Variants in CEP104 observed in about 807,000 individuals in gnomAD.
CEP104 encodes the protein centrosomal protein of 104 kDa.
CEP104 carries 84 observed loss-of-function variants against 113.3 expected under a neutral mutation model. That is an observed-to-expected ratio of 0.74 (90% CI 0.62 to 0.89). The LOEUF (loss-of-function observed/expected upper bound fraction) is 0.89, where lower values mean the gene tolerates loss of function less well. Among genes scored for constraint, CEP104 ranks in the 40% least tolerant of loss-of-function variants. The probability of loss-of-function intolerance (pLI) is 0.00; values close to 1 mark genes in which losing one functional copy is unlikely to be tolerated. For missense variants in CEP104, 1,053 were observed against 1,156.6 expected (o/e 0.91, Z 1.30); for synonymous variants, 378 against 421.7 (o/e 0.90, Z 1.27).
chr1:3,842,604 A>G (rs1030836773), intron 6 of CEP104, among the ~76,000 whole-genome samples: 1 of 152,234 alleles, frequency 6.6e-6, no homozygotes, highest in Non-Finnish European at 1.5e-5. Context: ...GTGCAAATAG[A>G]AGAGCCTGGA....
chr1:3,834,251 C>T (rs1183630976), intron 11 of CEP104, among the ~76,000 whole-genome samples: 2 of 152,004 alleles, frequency 1.3e-5, no homozygotes, highest in East Asian at 3.9e-4. Context: ...AAATCACTCC[C>T]CATCTTCCCT....
chr1:3,812,824 A>G lies in CEP104; in HGVS notation c.*2578T>C, dbSNP rs1643817341. ...CACTGCACTCCAGCCTAGGCAACAG[A>G]GCAAGACTCCGTCTCAAACCCCACC... On this transcript the variant is annotated 3_prime_UTR_variant, in exon 22 of 22. Transcript: ENST00000378230. 1 of 152,174 alleles carries G rather than the reference A, an allele frequency of 6.6e-6. No individual in the cohort carries two copies. The highest frequency in any genetic ancestry group is 2.4e-5 in the African/African-American group (1 of 41,420). The allele number at this position is 152,174 out of a possible 1,614,324, so 9.4% of individuals were successfully genotyped here.
intron 1 of CEP104, among the ~76,000 whole-genome samples, chr1:3,853,997 C>A (rs907847899): frequency 1.2e-4 from 19 of 152,154 alleles, no homozygotes; most frequent in African/African-American, 4.6e-4. Context: ...GCTGCACGGC[C>A]CCACCTGCAC....
rs1489811135 is a variant in CEP104 at position 3,829,803 on chromosome 1, A to C, written c.2031T>G (p.Asp677Glu). 6.2e-7 allele frequency: 1 copy of C among 1,614,024 alleles called. No individual in the cohort carries two copies. The highest frequency in any genetic ancestry group is 8.5e-7 in the Non-Finnish European group (1 of 1,180,000). Residue 677 changes from aspartate to glutamate, a missense_variant, in exon 14 of 22, where the codon GAT becomes GAG. Physicochemically the swap from Asp to Glu is conservative, Grantham distance 45. Coordinates refer to ENST00000378230, the MANE Select transcript of CEP104 (RefSeq NM_014704.4). ...GFAKIDGRAT[D>E]AEMRARRKAA... ...AAAGTTAACTCACCCTCATCTCAGC[A>C]TCTGTAGCTCTGCCATCTATTTTAG...
chr1:3,819,166 G>A lies in CEP104; in HGVS notation c.2572-2796C>T, dbSNP rs1643924385. Among the ~76,000 whole-genome samples, 1 of 152,196 alleles carries A rather than the reference G, an allele frequency of 6.6e-6. No homozygotes were observed. Among genetic ancestry groups the A allele is most frequent in the South Asian group, 2.1e-4 (1 of 4,832 alleles). On this transcript the variant is annotated intron_variant, in intron 20 of 21. Transcript: ENST00000378230. This position sits in a 1 kb window ranked among gnomAD's most constrained non-coding sequence, Gnocchi z 4.6. Reference sequence around the variant, plus strand: ...CTTGAACGTGCAATGAAGTGCTACTGATCTATTAGAACCCGGGCGAACCTT... The same window carrying A: ...CTTGAACGTGCAATGAAGTGCTACTAATCTATTAGAACCCGGGCGAACCTT...
rs1553162953 is a variant in CEP104, at chr1:3,836,478, T to TTTG, written c.1317+16_1317+17insCAA. 6.9e-7 allele frequency: 1 copy of TTTG among 1,457,270 alleles called. No homozygotes were observed. Among genetic ancestry groups the TTTG allele is most frequent in the Non-Finnish European group, 9.0e-7 (1 of 1,108,572 alleles). The allele number at this position is 1,457,270 out of a possible 1,614,324, so 90.3% of individuals were successfully genotyped here. A position where few individuals can be genotyped will look rare whatever the true frequency, so the allele number is the denominator to read the frequency against. On this transcript the variant is annotated intron_variant, in intron 10 of 21. Coordinates refer to ENST00000378230, the MANE Select transcript of CEP104 (RefSeq NM_014704.4). Reference sequence around the variant, plus strand: ...CCCCTCTGCCACCCCGTTTTTTTTTTTTTTTTTTTTTTTTACCAAGGTTTC... The same window carrying TTTG: ...CCCCTCTGCCACCCCGTTTTTTTTTTTTGTTTTTTTTTTTTTTACCAAGGTTTC...
chr1:3,849,172 T>C (rs1322727166), intron 2 of CEP104, among the ~76,000 whole-genome samples: 1 of 152,066 alleles, frequency 6.6e-6, no homozygotes, highest in African/African-American at 2.4e-5. Flanking sequence ...GGTATCAATA[T>C]TTAAGGAGTG....
chr1:3,841,646 C>T lies in CEP104; in HGVS notation c.567-1870G>A, dbSNP rs900221874. Among the ~76,000 whole-genome samples the T allele has an allele frequency of 5.9e-5, 9 of 152,182 alleles. No individual in the cohort carries two copies. In the South Asian group the frequency reaches 8.3e-4, roughly 14 times the overall value. On this transcript the variant is annotated intron_variant, in intron 6 of 21. Coordinates refer to ENST00000378230, the MANE Select transcript of CEP104 (RefSeq NM_014704.4). ...GTACAGAACCCCCAGCGGCAATGAC[C>T]GGATTCCATGTCCAGCACAGGCCCG...
chr1:3,836,916 T>C, intron 9 of CEP104: 1 of 539,052 alleles, frequency 1.9e-6, no homozygotes, highest in South Asian at 2.7e-5. Context: ...ATTACAGACC[T>C]AATAAAAAAA....
chr1:3,825,815 C>T lies in CEP104; in HGVS notation c.2307G>A (p.Leu769=). 6.2e-7 allele frequency: 1 copy of T among 1,614,056 alleles called. No individual in the cohort carries two copies. The highest frequency in any genetic ancestry group is 8.5e-7 in the Non-Finnish European group (1 of 1,179,926). Reference sequence around the variant, plus strand: ...GACAGTGCTTCCAGTAGTGGAGATCCAGACCTTCCTCTGTGAAGGATTCAC... The same window carrying T: ...GACAGTGCTTCCAGTAGTGGAGATCTAGACCTTCCTCTGTGAAGGATTCAC... ...ERSESFTEEG[L]DLHYWKHCLM... The change falls in exon 18 of 22, where the codon CTG becomes CTA. Residue 769 remains leucine (L), a synonymous_variant. Transcript: ENST00000378230.
At chr1:3,853,982 T>A (rs960064903) in intron 1 of CEP104, among the ~76,000 whole-genome samples, 1 of 152,142 alleles carries the variant, frequency 6.6e-6, no homozygotes, top group East Asian at 1.9e-4. Flanking sequence ...TTTAACCCAC[T>A]GTTAGCTGCA....
chr1:3,840,942 G>A (rs74508667), intron 6 of CEP104, among the ~76,000 whole-genome samples: 8 of 152,242 alleles, frequency 5.3e-5, no homozygotes, highest in African/African-American at 1.9e-4. Flanking sequence ...ATATCCTAGA[G>A]GAGATCAAAA....
chr1:3,816,846 C>A (rs1385055128), intron 20 of CEP104, among the ~76,000 whole-genome samples: 1 of 152,276 alleles, frequency 6.6e-6, no homozygotes, highest in Non-Finnish European at 1.5e-5. Flanking sequence ...ACTTGCCCTG[C>A]AGAATGTGGG....
At position 3,847,485 on chromosome 1, in the gene CEP104, A is replaced by G. The variant is rs76925798; in HGVS notation, c.416T>C (p.Ile139Thr). 1,189 of 1,604,336 alleles carry G rather than the reference A, an allele frequency of 7.4e-4. 7 individuals are homozygous for G. In the African/African-American group the frequency reaches 0.014, roughly 19 times the overall value. Residue 139 changes from isoleucine (I) to threonine (T), a missense_variant, in exon 4 of 22, where the codon ATA becomes ACA. Ile to Thr is a moderately conservative substitution (Grantham distance 89). Coordinates refer to ENST00000378230, the MANE Select transcript of CEP104 (RefSeq NM_014704.4). ...FHQNHVNKYN[I>T]YNQVALVAIN... Reference sequence around the variant, plus strand: ...CTGCATGCATCTTACCTGATTATATATGTTGTATTTGTTGACATGGTTTTG... The same window carrying G: ...CTGCATGCATCTTACCTGATTATATGTGTTGTATTTGTTGACATGGTTTTG...
At chr1:3,852,901 C>CGGCCAAGGA (rs138280171) in intron 1 of CEP104, among the ~76,000 whole-genome samples, 49,719 of 151,998 alleles carry the variant, frequency 0.33, 9,660 homozygotes, top group Admixed American at 0.45. Flanking sequence ...CTAAGCGGGC[C>CGGCCAAGGA]GGCCAAGGAC....
chr1:3,813,050 GTTGA>G lies in CEP104; in HGVS notation c.*2348_*2351del, dbSNP rs1416093808. The G allele has an allele frequency of 6.6e-6, 1 of 151,998 alleles. No individual in the cohort carries two copies. Among genetic ancestry groups the G allele is most frequent in the Non-Finnish European group, 1.5e-5 (1 of 68,012 alleles). The allele number at this position is 151,998 out of a possible 1,614,324, so 9.4% of individuals were successfully genotyped here. ...ATATATATATATATTTCTTAAAAGT[GTTGA>G]TTGGTGAGAAAAGAATAATTCCTTG... is the stretch of plus-strand genomic sequence containing the variant. On this transcript the variant is annotated 3_prime_UTR_variant, in exon 22 of 22. Transcript: ENST00000378230.
In CEP104 at chr1:3,836,493, A is replaced by G; in HGVS notation, c.1317+2T>C. 2.2e-6 allele frequency: 2 copies of G among 928,422 alleles called. No individual in the cohort carries two copies. Among genetic ancestry groups the G allele is most frequent in the Non-Finnish European group, 2.6e-6 (2 of 770,452 alleles). The allele number at this position is 928,422 out of a possible 1,614,324, so 57.5% of individuals were successfully genotyped here. A position where few individuals can be genotyped will look rare whatever the true frequency, so the allele number is the denominator to read the frequency against. On this transcript the variant is annotated splice_donor_variant, in intron 10 of 21. Transcript: ENST00000378230. LOFTEE classifies it high-confidence loss of function. The stretch of plus-strand genomic sequence containing the variant: ...GTTTTTTTTTTTTTTTTTTTTTTTT[A>G]CCAAGGTTTCTCCCAACACATCGAT...
At chr1:3,849,740 C>A (rs1644576306) in intron 2 of CEP104, among the ~76,000 whole-genome samples, 1 of 152,052 alleles carries the variant, frequency 6.6e-6, no homozygotes, top group Non-Finnish European at 1.5e-5. Flanking sequence ...TAGATAGTTA[C>A]TGCTTTTAAA....
At chr1:3,841,410 G>A (rs887566543) in intron 6 of CEP104, among the ~76,000 whole-genome samples, 3 of 152,166 alleles carry the variant, frequency 2.0e-5, no homozygotes, top group Admixed American at 6.5e-5. Context: ...ACTAAACAGC[G>A]AAACATTTTG....
Sources: allele counts gnomAD v4.1 joint callset (sites outside exome capture counted in the v4.1 genomes callset), GRCh38; gene constraint gnomAD v4.1.1; non-coding constraint Gnocchi (gnomAD v3.1); transcripts MANE v1.5; gene names NCBI Gene and HGNC (gene_info 2026-07-23, HGNC 2026-07-21).